TUT4: variants seen among roughly 807,000 people sequenced by gnomAD.
TUT4 encodes the protein terminal uridylyltransferase 4.
TUT4 carries 36 observed loss-of-function variants against 192.2 expected under a neutral mutation model. That is an observed-to-expected ratio of 0.19 (90% confidence interval 0.14 to 0.25). The LOEUF is 0.25. Among genes scored for constraint, TUT4 ranks in the 10% least tolerant of loss-of-function variants. The pLI is 1.00. For synonymous variants in TUT4, 618 were observed against 666.0 expected (o/e 0.93, Z 1.11); for missense variants, 1,493 against 1,957.2 (o/e 0.76, Z 4.47).
At chr1:52,478,576 C>T (rs751521151) in intron 11 of TUT4, among the ~76,000 whole-genome samples, 17 of 152,194 alleles carry the variant, frequency 1.1e-4, no homozygotes, top group Non-Finnish European at 1.8e-4. Context: ...CCACTGGGTC[C>T]ATGCGGTGAA....
intron 1 of TUT4, among the ~76,000 whole-genome samples, chr1:52,544,687 A>G (rs1353748319): frequency 6.6e-6 from 1 of 152,218 alleles, no homozygotes; most frequent in East Asian, 1.9e-4. Context: ...CACGGGCAAC[A>G]AAAGAAAAAA....
At chr1:52,440,692 G>A (rs1181117847) in intron 24 of TUT4, among the ~76,000 whole-genome samples, 2 of 151,800 alleles carry the variant, frequency 1.3e-5, no homozygotes, top group African/African-American at 4.8e-5. Context: ...CTATCCTTCC[G>A]CCCCAGTTAG....
Position 52,461,216 on chromosome 1 carries a change from T to G in TUT4, c.3239A>C (p.His1080Pro). ...ATAAGTAGCTAGCATTCTTGTGTTA[T>G]GTTGAGCCTGAAAAATAATTACATA... Reference protein sequence around the residue: ...DISLYNTLAQHNTRMLATYAA... With the variant: ...DISLYNTLAQPNTRMLATYAA... Residue 1080 changes from histidine to proline, a missense_variant, in exon 19 of 30, where the codon CAT becomes CCT. Around this residue, in one of 7 missense-constraint regions of TUT4, gnomAD observed 141 missense variants for 382.7 expected, o/e 0.37. Transcript: ENST00000257177. The G allele has an allele frequency of 6.2e-7, 1 of 1,603,010 alleles. No homozygotes were observed. The highest frequency in any genetic ancestry group is 8.5e-7 in the Non-Finnish European group (1 of 1,175,496).
chr1:52,435,311 A>T, intron 27 of TUT4, 54 bp downstream of exon 27: 1 of 1,425,768 alleles, frequency 7.0e-7, no homozygotes, highest in Non-Finnish European at 9.9e-7. Flanking sequence ...ATCACCCATT[A>T]AAGATACTGC....
rs1414161006 is a variant in TUT4 at position 52,431,092 on chromosome 1, A to T, written c.4632T>A (p.Pro1544=). 1 of 1,614,220 alleles carries T rather than the reference A, an allele frequency of 6.2e-7. No individual in the cohort carries two copies. Among genetic ancestry groups the T allele is most frequent in the Admixed American group, 1.7e-5 (1 of 60,034 alleles). Residue 1544 remains proline (P), a synonymous_variant, in exon 28 of 30, where the codon CCT becomes CCA. Coordinates refer to ENST00000257177, the MANE Select transcript of TUT4 (RefSeq NM_001009881.3). ...AQPAARPVAI[P]NTSHDGHWPR... is the part of the protein sequence containing the mutation. ...GCCAGTGTCCATCGTGAGACGTGTT[A>T]GGGATTGCCACAGGTCTGGCAGCAG...
At chr1:52,526,468 C>T in intron 1 of TUT4, 95 bp from the exon 2 acceptor site, 1 of 331,426 alleles carries the variant, frequency 3.0e-6, no homozygotes, top group Admixed American at 5.3e-5. Flanking sequence ...TAAACTTGTT[C>T]TAAAAACTGA....
intron 1 of TUT4, among the ~76,000 whole-genome samples, chr1:52,542,723 G>T (rs1053616681): frequency 1.3e-5 from 2 of 151,782 alleles, no homozygotes; most frequent in Non-Finnish European, 2.9e-5. Flanking sequence ...CAAGACAAGG[G>T]AAAGATGTCT....
intron 7 of TUT4, 81 bp from the exon 8 acceptor site, chr1:52,490,882 C>T: frequency 8.6e-7 from 1 of 1,165,330 alleles, no homozygotes; most frequent in Non-Finnish European, 1.2e-6. Context: ...TAACAGTTTC[C>T]TTCTGAAAAT....
intron 1 of TUT4, among the ~76,000 whole-genome samples, chr1:52,531,576 CAATA>C (rs1208459846): frequency 6.6e-6 from 1 of 152,046 alleles, no homozygotes; most frequent in South Asian, 2.1e-4. Context: ...AGTAGGCACC[CAATA>C]AATGGGTTAA....
chr1:52,517,718 T>A (rs1679082203), intron 2 of TUT4, among the ~76,000 whole-genome samples: 1 of 152,220 alleles, frequency 6.6e-6, no homozygotes, highest in African/African-American at 2.4e-5. Context: ...AACTTGCAAT[T>A]ATGTACTAAT....
At chr1:52,445,534 C>A (rs568281027) in intron 24 of TUT4, among the ~76,000 whole-genome samples, 4 of 152,184 alleles carry the variant, frequency 2.6e-5, no homozygotes, top group African/African-American at 9.6e-5. Context: ...AATAGGTGAA[C>A]CTTACAGACA....
At chr1:52,509,894 G>A (rs1676638445) in intron 3 of TUT4, among the ~76,000 whole-genome samples, 182 bp from the exon 4 acceptor site, 1 of 152,090 alleles carries the variant, frequency 6.6e-6, no homozygotes, top group African/African-American at 2.4e-5. Context: ...AGAGATAGTA[G>A]TCCTTTTTCA....
chr1:52,425,353 A>G lies in TUT4; in HGVS notation c.4866T>C (p.Thr1622=), dbSNP rs1318048419. The change falls in exon 29 of 30, where the codon ACT becomes ACC. Residue 1622 remains threonine, a synonymous_variant. Coordinates refer to ENST00000257177, the MANE Select transcript of TUT4 (RefSeq NM_001009881.3). ...ARFQPNKPFY[T]QDRCATRRCR... is the part of the protein sequence containing the mutation. ...CTAATTTGTAAGCAGTGGTACCTTG[A>G]GTATAGAAAGGTTTGTTGGGCTGGA... is the stretch of plus-strand genomic sequence containing the variant. The G allele has an allele frequency of 2.5e-6, 4 of 1,613,310 alleles. No individual in the cohort carries two copies. Among genetic ancestry groups the G allele is most frequent in the Non-Finnish European group, 3.4e-6 (4 of 1,179,680 alleles).
At chr1:52,496,863 C>A in intron 5 of TUT4, 143 bp downstream of exon 5, 1 of 796,092 alleles carries the variant, frequency 1.3e-6, no homozygotes, top group East Asian at 3.0e-5. Flanking sequence ...ATATTTCCCT[C>A]AAAAATTCAT....
At chr1:52,460,970 C>T in intron 19 of TUT4, 164 bp downstream of exon 19, 1 of 454,482 alleles carries the variant, frequency 2.2e-6, no homozygotes, top group South Asian at 6.2e-5. Flanking sequence ...GACAGAGCCA[C>T]CCTACTCTGA....
chr1:52,540,561 C>A (rs1686325256), intron 1 of TUT4, among the ~76,000 whole-genome samples: 1 of 151,940 alleles, frequency 6.6e-6, no homozygotes, highest in African/African-American at 2.4e-5. Flanking sequence ...CAAACACTAC[C>A]TGTCTAGCAT....
rs368666049 is a variant in TUT4, at chr1:52,489,054, C to T, written c.1389-19G>A. On this transcript the variant is annotated intron_variant, in intron 8 of 29. Coordinates refer to ENST00000257177, the MANE Select transcript of TUT4 (RefSeq NM_001009881.3). ...TAAACCACTGTGAATGAGAAAGAAA[C>T]AAATTTCATTGTATTAATACCCTTA... 16 of 1,601,572 alleles carry T rather than the reference C, an allele frequency of 1.0e-5. No homozygotes were observed. The African/African-American group carries it at 2.0e-4, about 20-fold the overall frequency.
chr1:52,482,829 T>G (rs530445760), intron 9 of TUT4, among the ~76,000 whole-genome samples: 3 of 152,162 alleles, frequency 2.0e-5, no homozygotes, highest in African/African-American at 7.2e-5. Flanking sequence ...TTGTTCCCAG[T>G]TTTTGCCACT....
chr1:52,447,940 A>G (rs572707587), intron 20 of TUT4, among the ~76,000 whole-genome samples: 2 of 152,314 alleles, frequency 1.3e-5, no homozygotes, highest in African/African-American at 4.8e-5. Context: ...ATTTAAATCC[A>G]CTAGTTAAGG....
Sources: allele counts gnomAD v4.1 joint callset (sites outside exome capture counted in the v4.1 genomes callset), GRCh38; gene constraint gnomAD v4.1.1; regional missense constraint gnomAD v4.1.1; transcripts MANE v1.5; gene names NCBI Gene and HGNC (gene_info 2026-07-23, HGNC 2026-07-21).